P2RY14: variants seen among roughly 807,000 people sequenced by gnomAD.
P2RY14 encodes purinergic receptor P2Y14, also known as P2Y purinoceptor 14.
Under a neutral mutation model 0.9 loss-of-function variants are expected in P2RY14, and 2 were observed. That is an observed-to-expected ratio of 2.16 (90% CI 0.88 to 6.79). The LOEUF is 6.79. Among genes scored for constraint, P2RY14 ranks in the 30% most tolerant of loss-of-function variants. The pLI, the probability that P2RY14 is intolerant of heterozygous loss-of-function variation, is 0.05. For missense variants in P2RY14, 378 were observed against 400.1 expected (o/e 0.94, Z 0.47); for synonymous variants, 158 against 147.2 (o/e 1.07, Z -0.53).
chr3:151,263,552 C>A (rs779769395), intron 1 of P2RY14, among the ~76,000 whole-genome samples: 7 of 152,102 alleles, frequency 4.6e-5, no homozygotes, highest in Non-Finnish European at 8.8e-5. Flanking sequence ...ATGAGCTTTA[C>A]GTGTTTTATC....
chr3:151,242,455 G>C (rs543033108), intron 1 of P2RY14, among the ~76,000 whole-genome samples: 1 of 152,262 alleles, frequency 6.6e-6, no homozygotes, highest in African/African-American at 2.4e-5. Context: ...TCCTCAAGTG[G>C]GTCCCTGACC....
intron 1 of P2RY14, among the ~76,000 whole-genome samples, chr3:151,252,621 A>G (rs1737063837): frequency 6.6e-6 from 1 of 152,228 alleles, no homozygotes; most frequent in Non-Finnish European, 1.5e-5. Flanking sequence ...ACTTCTAAAC[A>G]TGTTCATAAA....
At chr3:151,257,569 G>T (rs1372260695) in intron 1 of P2RY14, among the ~76,000 whole-genome samples, 1 of 152,194 alleles carries the variant, frequency 6.6e-6, no homozygotes, top group Non-Finnish European at 1.5e-5. Flanking sequence ...GAGGAATATT[G>T]TTCTGTATGC....
At chr3:151,215,010 C>G (rs1015006459) in intron 2 of P2RY14, among the ~76,000 whole-genome samples, 3 of 151,878 alleles carry the variant, frequency 2.0e-5, no homozygotes, top group African/African-American at 7.3e-5. Context: ...AAAGTGTATT[C>G]TACATATATG....
At chr3:151,252,522 A>G (rs1737049858) in intron 1 of P2RY14, among the ~76,000 whole-genome samples, 1 of 152,162 alleles carries the variant, frequency 6.6e-6, no homozygotes, top group African/African-American at 2.4e-5. Flanking sequence ...ATTTTTATTC[A>G]TTTAATTAAA....
intron 1 of P2RY14, among the ~76,000 whole-genome samples, chr3:151,275,330 A>G (rs1246601484): frequency 1.3e-5 from 2 of 151,568 alleles, no homozygotes; most frequent in Non-Finnish European, 1.5e-5. Context: ...GATGTCATAT[A>G]ATTGGGTAGA....
chr3:151,242,484 G>A (rs1188712620), intron 1 of P2RY14, among the ~76,000 whole-genome samples: 8 of 152,218 alleles, frequency 5.3e-5, no homozygotes, highest in East Asian at 1.9e-4. Flanking sequence ...GCCTAACTGG[G>A]AGGCACCCCC....
intron 1 of P2RY14, among the ~76,000 whole-genome samples, chr3:151,230,552 G>A (rs1196923014): frequency 6.8e-6 from 1 of 147,126 alleles, no homozygotes; most frequent in Non-Finnish European, 1.5e-5. Flanking sequence ...GCCAGGACTA[G>A]TTTTGTTTTA....
Position 151,247,561 on chromosome 3 carries a change from A to G in P2RY14, c.-132-27919T>C, listed in dbSNP as rs374581202. ...CTCACTCATAGGTGGGAATTGAACA[A>G]TGAGATCACATGGACACAGGAAGGG... On this transcript the variant is annotated intron_variant, in intron 1 of 2. Coordinates refer to ENST00000309170, the MANE Select transcript of P2RY14 (RefSeq NM_014879.4). Among the ~76,000 whole-genome samples, 16 of 143,500 alleles carry G rather than the reference A, an allele frequency of 1.1e-4. No homozygotes were observed. The South Asian group carries it at 2.9e-3, about 26-fold the overall frequency. 94.1% of individuals were successfully genotyped at this position (143,500 alleles called of 152,430 possible).
chr3:151,233,703 A>G (rs972134647), intron 1 of P2RY14, among the ~76,000 whole-genome samples: 8 of 152,230 alleles, frequency 5.3e-5, no homozygotes, highest in African/African-American at 1.7e-4. Context: ...ATTGCACTCC[A>G]ACCTGGGCAA....
In P2RY14 at chr3:151,236,340, T is replaced by C. The variant is rs548975707; in HGVS notation, c.-132-16698A>G. 5.9e-5 allele frequency among the ~76,000 whole-genome samples: 9 copies of C among 152,350 alleles called. No individual in the cohort carries two copies. In the South Asian group the frequency reaches 1.9e-3, roughly 32 times the overall value. ...AATGTGCATAGTAGATTAACATATATAGATATCCTTTTAAATCTCTGGATC... is the reference window on the plus strand; with the variant it reads ...AATGTGCATAGTAGATTAACATATACAGATATCCTTTTAAATCTCTGGATC... On this transcript the variant is annotated intron_variant, in intron 1 of 2. Coordinates refer to ENST00000309170, the MANE Select transcript of P2RY14 (RefSeq NM_014879.4).
In P2RY14 at chr3:151,214,135, T is replaced by C. The variant is rs1727712098; in HGVS notation, c.182A>G (p.Lys61Arg). ...CACAAAGTCAGCAATAACAATGTTC[T>C]TGAGATAGATGATGAAACTCTTAGA... ...PSSKSFIIYLKNIVIADFVMS... is the reference protein window; with the variant it reads ...PSSKSFIIYLRNIVIADFVMS... The change falls in exon 3 of 3, where the codon AAG becomes AGG. Residue 61 changes from lysine to arginine, a missense_variant. Physicochemically the swap from Lys to Arg is conservative, Grantham distance 26. Transcript: ENST00000309170. 6.2e-7 allele frequency: 1 copy of C among 1,613,990 alleles called. No individual in the cohort carries two copies. Among genetic ancestry groups the C allele is most frequent in the Non-Finnish European group, 8.5e-7 (1 of 1,179,992 alleles).
At chr3:151,221,213 G>T (rs1410574613) in intron 1 of P2RY14, among the ~76,000 whole-genome samples, 1 of 152,210 alleles carries the variant, frequency 6.6e-6, no homozygotes, top group Non-Finnish European at 1.5e-5. Flanking sequence ...GCATTAAAGA[G>T]GTGACTTGGG....
chr3:151,232,071 A>T (rs1449302883), intron 1 of P2RY14, among the ~76,000 whole-genome samples: 1 of 152,184 alleles, frequency 6.6e-6, no homozygotes, highest in Non-Finnish European at 1.5e-5. Context: ...CGAATGCCTA[A>T]TAACAGTCTC....
Position 151,213,238 on chromosome 3 carries a change from C to G in P2RY14, c.*62G>C. 2 of 1,256,952 alleles carry G rather than the reference C, an allele frequency of 1.6e-6. No individual in the cohort carries two copies. The highest frequency in any genetic ancestry group is 1.1e-6 in the Non-Finnish European group (1 of 896,988). 77.9% of individuals were successfully genotyped at this position (1,256,952 alleles called of 1,614,324 possible). A position where few individuals can be genotyped will look rare whatever the true frequency, so the allele number is the denominator to read the frequency against. On this transcript the variant is annotated 3_prime_UTR_variant, in exon 3 of 3. Coordinates refer to ENST00000309170, the MANE Select transcript of P2RY14 (RefSeq NM_014879.4). ...ATGAGGGCACATATCTTATTGATTT[C>G]TGTTATGTAATTGAAGATGACAACA...
At chr3:151,249,456 G>T (rs975910055) in intron 1 of P2RY14, among the ~76,000 whole-genome samples, 3 of 152,150 alleles carry the variant, frequency 2.0e-5, no homozygotes, top group Non-Finnish European at 4.4e-5. Flanking sequence ...AGCTGTTTAA[G>T]TAGGTGTTAA....
intron 1 of P2RY14, 146 bp from the exon 2 acceptor site, chr3:151,219,788 T>C (rs1728961335): frequency 6.6e-6 from 1 of 152,104 alleles, no homozygotes; most frequent in Non-Finnish European, 1.5e-5. Context: ...CTATACTTGC[T>C]ATTTGTTGTC....
chr3:151,277,873 A>T (rs1257358646), intron 1 of P2RY14, among the ~76,000 whole-genome samples: 2 of 152,274 alleles, frequency 1.3e-5, no homozygotes, highest in Non-Finnish European at 2.9e-5. Flanking sequence ...ATCTGTACAC[A>T]TATGCAATTG....
In P2RY14 at chr3:151,274,123, A is replaced by G. The variant is rs1577203121; in HGVS notation, c.-133+4164T>C. 3.9e-5 allele frequency among the ~76,000 whole-genome samples: 6 copies of G among 152,376 alleles called. No individual in the cohort carries two copies. The East Asian group carries it at 1.2e-3, about 29-fold the overall frequency. Reference sequence around the variant, plus strand: ...GTGCAGATATCTGATGAACCAACCCATATTCAGAAAAAAGGCCTCGCTGCC... The same window carrying G: ...GTGCAGATATCTGATGAACCAACCCGTATTCAGAAAAAAGGCCTCGCTGCC... On this transcript the variant is annotated intron_variant, in intron 1 of 2. Transcript: ENST00000309170.
Sources: gnomAD v4.1 joint callset for allele counts (sites outside exome capture counted in the v4.1 genomes callset) on GRCh38, gnomAD v4.1.1 for gene constraint, MANE v1.5 for transcripts, NCBI Gene and HGNC (gene_info 2026-07-23, HGNC 2026-07-21) for gene names.